The following BMP2K variants were observed in gnomAD, a reference collection of about 807,000 sequenced individuals.
BMP2K encodes the protein BMP-2-inducible protein kinase.
A neutral mutation model predicts 116.0 loss-of-function variants in BMP2K; 74 were observed. The observed-to-expected ratio is 0.64, with a 90% confidence interval of 0.53 to 0.77. BMP2K has a LOEUF of 0.77. Among genes scored for constraint, BMP2K ranks in the 30% least tolerant of loss-of-function variants. The pLI, the probability that BMP2K is intolerant of heterozygous loss-of-function variation, is 0.00. For synonymous variants in BMP2K, 486 were observed against 502.5 expected (o/e 0.97, Z 0.44); for missense variants, 1,365 against 1,403.6 (o/e 0.97, Z 0.44).
chr4:78,870,819 T>G lies in BMP2K; in HGVS notation c.1268T>G (p.Leu423Trp). The change falls in exon 11 of 16, where the codon TTG (leucine) becomes TGG (tryptophan). Residue 423 changes from leucine (L) to tryptophan (W), a missense_variant. Leu to Trp is a moderately conservative substitution (Grantham distance 61). Transcript: ENST00000502613. The part of the protein sequence containing the change: ...LRPGNGPEIL[L>W]GQGPPQQPPQ... Reference sequence around the variant, plus strand: ...CCTGGAAATGGCCCTGAAATTTTATTGGGTCAGGGACCTCCTCAGCAGCCG... The same window carrying G: ...CCTGGAAATGGCCCTGAAATTTTATGGGGTCAGGGACCTCCTCAGCAGCCG... The G allele has an allele frequency of 6.2e-7, 1 of 1,614,052 alleles. No individual in the cohort carries two copies. Among genetic ancestry groups the G allele is most frequent in the South Asian group, 1.1e-5 (1 of 91,074 alleles).
intron 1 of BMP2K, among the ~76,000 whole-genome samples, chr4:78,824,520 T>A (rs930798377): frequency 2.0e-5 from 3 of 152,204 alleles, no homozygotes; most frequent in African/African-American, 7.2e-5. Context: ...TCTGAGGGAA[T>A]CTGCCCCCAT....
At chr4:78,872,516 T>C in intron 12 of BMP2K, 98 bp from the exon 13 acceptor site, 1 of 1,080,436 alleles carries the variant, frequency 9.3e-7, no homozygotes, top group African/African-American at 1.6e-5. Flanking sequence ...TCTGATTTTG[T>C]CACCAATGTG....
At chr4:78,790,068 A>G (rs189138201) in intron 1 of BMP2K, among the ~76,000 whole-genome samples, 2 of 152,358 alleles carry the variant, frequency 1.3e-5, no homozygotes, top group Admixed American at 1.3e-4. Flanking sequence ...TTAGACTTAA[A>G]CTTGGAATAC....
intron 1 of BMP2K, 114 bp from the exon 2 acceptor site, chr4:78,825,923 T>C (rs1330524591): frequency 1.3e-6 from 1 of 784,090 alleles, no homozygotes; most frequent in Non-Finnish European, 2.1e-6. Flanking sequence ...GCACTTGTTT[T>C]TGTCTTGGGT....
At chr4:78,823,510 A>T (rs1347565564) in intron 1 of BMP2K, among the ~76,000 whole-genome samples, 1 of 147,758 alleles carries the variant, frequency 6.8e-6, no homozygotes, top group Non-Finnish European at 1.5e-5. Context: ...ATAGTTATAT[A>T]TAGTTATATA....
At chr4:78,829,787 T>TTTCTTTTCTTTTCTTTTCTTTTCTC (rs71216237) in intron 2 of BMP2K, among the ~76,000 whole-genome samples, 9 of 86,646 alleles carry the variant, frequency 1.0e-4, no homozygotes, top group African/African-American at 2.9e-4. Flanking sequence ...TTTCTTTTCT[T>TTTCTTTTCTTTTCTTTTCTTTTCTC]TTCTCTTCTC....
At chr4:78,780,184 G>C (rs1444512858) in intron 1 of BMP2K, among the ~76,000 whole-genome samples, 1 of 152,166 alleles carries the variant, frequency 6.6e-6, no homozygotes, top group Non-Finnish European at 1.5e-5. Context: ...AGGGGACATT[G>C]TTTTCCCTAA....
chr4:78,855,435 T>C (rs1238299308), intron 7 of BMP2K, among the ~76,000 whole-genome samples: 4 of 152,184 alleles, frequency 2.6e-5, no homozygotes, highest in Admixed American at 2.6e-4. Flanking sequence ...TTTTTAAATT[T>C]GTTGAGCTGT....
chr4:78,865,343 T>C (rs570767140), intron 9 of BMP2K, among the ~76,000 whole-genome samples: 1 of 152,316 alleles, frequency 6.6e-6, no homozygotes, highest in African/African-American at 2.4e-5. Flanking sequence ...TATGAATGGT[T>C]GTGTACTGTT....
intron 2 of BMP2K, among the ~76,000 whole-genome samples, chr4:78,832,323 C>A (rs1328456648): frequency 6.6e-6 from 1 of 152,140 alleles, no homozygotes; most frequent in African/African-American, 2.4e-5. Flanking sequence ...CTTGCCAACA[C>A]TTGTTATTAA....
chr4:78,879,440 A>G (rs2110067606), intron 14 of BMP2K: 1 of 982,736 alleles, frequency 1.0e-6, no homozygotes, highest in Non-Finnish European at 1.2e-6. Context: ...TTTAAATCAG[A>G]TATCTCAATG....
At position 78,776,359 on chromosome 4, in the gene BMP2K, G is replaced by T; in HGVS notation, c.-185G>T. 1 of 472,290 alleles carries T rather than the reference G, an allele frequency of 2.1e-6. No individual in the cohort carries two copies. The highest frequency in any genetic ancestry group is 2.9e-6 in the Non-Finnish European group (1 of 346,292). 29.3% of individuals were successfully genotyped at this position (472,290 alleles called of 1,614,324 possible). A position where few individuals can be genotyped will look rare whatever the true frequency, so the allele number is the denominator to read the frequency against. On this transcript the variant is annotated 5_prime_UTR_variant, in exon 1 of 16. Transcript: ENST00000502613. The stretch of plus-strand genomic sequence containing the variant: ...TCTGCGGGAGCCGGGCAGCTGCAGC[G>T]GAGCCGCGGAGCGGGCGGCGGGGCC...
intron 7 of BMP2K, among the ~76,000 whole-genome samples, chr4:78,856,806 C>G (rs1209831237): frequency 6.6e-6 from 1 of 152,126 alleles, no homozygotes. Context: ...GCTGGAAAAC[C>G]TTAGACTTCT....
intron 2 of BMP2K, among the ~76,000 whole-genome samples, chr4:78,831,082 T>G (rs1166563569): frequency 2.0e-5 from 3 of 152,226 alleles, no homozygotes; most frequent in Non-Finnish European, 2.9e-5. Flanking sequence ...AAACGATAAT[T>G]GTGGGACTCT....
At chr4:78,830,660 C>T (rs1231822157) in intron 2 of BMP2K, among the ~76,000 whole-genome samples, 2 of 152,194 alleles carry the variant, frequency 1.3e-5, no homozygotes, top group African/African-American at 4.8e-5. Context: ...TGCTGCATTT[C>T]CTGCTTTACT....
intron 14 of BMP2K, among the ~76,000 whole-genome samples, chr4:78,882,083 T>TTTA (rs1265588005): frequency 6.6e-6 from 1 of 152,008 alleles, no homozygotes; most frequent in East Asian, 1.9e-4. Context: ...CATTTGGGGT[T>TTTA]TTATTTTGAA....
rs767020611 is a variant in BMP2K, at chr4:78,872,726, C to T, written c.1721C>T (p.Ala574Val). The change falls in exon 13 of 16, where the codon GCC (alanine) becomes GTC (valine). Residue 574 changes from alanine (A) to valine (V), a missense_variant. Physicochemically the swap from Ala to Val is moderately conservative, Grantham distance 64. Transcript: ENST00000502613. The stretch of plus-strand genomic sequence containing the variant: ...ACCTCCCCTCAAGAGTTCTCACCAG[C>T]CTTAGTTTCCTACACTTCATCACTT... Reference protein sequence around the residue: ...YLTSPQEFSPALVSYTSSLPA... With the variant: ...YLTSPQEFSPVLVSYTSSLPA... 4 of 1,614,148 alleles carry T rather than the reference C, an allele frequency of 2.5e-6. No individual in the cohort carries two copies. Among genetic ancestry groups the T allele is most frequent in the Admixed American group, 1.7e-5 (1 of 60,016 alleles).
intron 5 of BMP2K, among the ~76,000 whole-genome samples, chr4:78,845,380 CTTG>C (rs1034541309): frequency 6.6e-6 from 1 of 151,382 alleles, no homozygotes; most frequent in Non-Finnish European, 1.5e-5. Context: ...AGGATTTGTC[CTTG>C]TTAAGAAAAA....
At chr4:78,858,835 T>C (rs1731629176) in intron 7 of BMP2K, among the ~76,000 whole-genome samples, 2 of 152,038 alleles carry the variant, frequency 1.3e-5, no homozygotes, top group Admixed American at 6.6e-5. Context: ...ATCTTTTACT[T>C]ACGGAATTGA....
Sources: gnomAD v4.1 joint callset for allele counts (sites outside exome capture counted in the v4.1 genomes callset) on GRCh38, gnomAD v4.1.1 for gene constraint, MANE v1.5 for transcripts, NCBI Gene and HGNC (gene_info 2026-07-23, HGNC 2026-07-21) for gene names.